FERMT2: variants seen among roughly 807,000 people sequenced by gnomAD.
The protein encoded by FERMT2 is fermitin family homolog 2.
FERMT2 carries 15 observed loss-of-function variants against 82.7 expected under a neutral mutation model. The observed-to-expected ratio is 0.18, with a 90% CI of 0.12 to 0.28. The LOEUF is 0.28. FERMT2 is among the 10% of genes least tolerant of loss of function. The pLI is 1.00. For missense variants in FERMT2, 645 were observed against 809.4 expected (o/e 0.80, Z 2.46); for synonymous variants, 274 against 271.5 (o/e 1.01, Z -0.09).
At chr14:52,864,271 T>C in intron 12 of FERMT2, 130 bp downstream of exon 12, 2 of 648,014 alleles carry the variant, frequency 3.1e-6, no homozygotes, top group Non-Finnish European at 5.3e-6. Context: ...ACTCTAACTG[T>C]ATTTTATATT....
intron 3 of FERMT2, among the ~76,000 whole-genome samples, chr14:52,907,551 G>A (rs1266174158): frequency 6.6e-6 from 1 of 151,978 alleles, no homozygotes; most frequent in Non-Finnish European, 1.5e-5. Context: ...GCATATATAG[G>A]AGTAAAATAC....
chr14:52,871,818 G>C (rs1885639355), intron 10 of FERMT2: 1 of 152,390 alleles, frequency 6.6e-6, no homozygotes, highest in East Asian at 1.9e-4. Flanking sequence ...CCAAATACCA[G>C]ACCCTAGTTC....
rs527718294 is a variant in FERMT2, at chr14:52,874,960, T to C, written c.1098+263A>G. Among the ~76,000 whole-genome samples, 20 of 152,164 alleles carry C rather than the reference T, an allele frequency of 1.3e-4. No individual in the cohort carries two copies. The South Asian group carries it at 3.5e-3, about 27-fold the overall frequency. On this transcript the variant is annotated intron_variant, in intron 8 of 14. Transcript: ENST00000341590. ...GTCTCAGCTACTCAGGAGGCTGAGGTAGGAAATGGCTTGAGCCCTGGAGTT... is the reference window on the plus strand; with the variant it reads ...GTCTCAGCTACTCAGGAGGCTGAGGCAGGAAATGGCTTGAGCCCTGGAGTT...
intron 7 of FERMT2, 69 bp downstream of exon 7, chr14:52,878,513 C>T (rs1466750229): frequency 1.0e-6 from 1 of 969,526 alleles, no homozygotes; most frequent in Admixed American, 2.3e-5. Context: ...TACTATTCCA[C>T]TTTACTGTTT....
intron 1 of FERMT2, 67 bp from the exon 2 acceptor site, chr14:52,950,644 T>G: frequency 6.6e-7 from 1 of 1,519,074 alleles, no homozygotes. Context: ...TCCCACCGAA[T>G]TCGCAGCGCC....
intron 7 of FERMT2, among the ~76,000 whole-genome samples, chr14:52,877,912 C>T (rs1236193852): frequency 6.6e-6 from 1 of 152,122 alleles, no homozygotes; most frequent in East Asian, 1.9e-4. Flanking sequence ...TTAATTTGGT[C>T]ATCAGACCTC....
chr14:52,915,785 G>C (rs1367446706), intron 3 of FERMT2, among the ~76,000 whole-genome samples: 1 of 152,034 alleles, frequency 6.6e-6, no homozygotes. Context: ...AAAATAAAAA[G>C]TACATAAAAT....
chr14:52,918,294 C>T (rs764478995), intron 3 of FERMT2, among the ~76,000 whole-genome samples: 9 of 151,734 alleles, frequency 5.9e-5, no homozygotes, highest in Admixed American at 3.9e-4. Context: ...AAAAAAAATC[C>T]GATATGTATG....
At chr14:52,907,464 C>T (rs531075473) in intron 3 of FERMT2, among the ~76,000 whole-genome samples, 4 of 152,180 alleles carry the variant, frequency 2.6e-5, no homozygotes, top group African/African-American at 7.2e-5. Flanking sequence ...ATGGTAAATA[C>T]GTGATATGAA....
At chr14:52,923,027 T>A (rs879829648) in intron 2 of FERMT2, among the ~76,000 whole-genome samples, 3 of 152,198 alleles carry the variant, frequency 2.0e-5, no homozygotes, top group Non-Finnish European at 4.4e-5. Flanking sequence ...CATATGTTAC[T>A]GTACTGAATG....
Position 52,893,444 on chromosome 14 carries a change from T to A in FERMT2, c.392-17A>T, listed in dbSNP as rs754864384. The A allele has an allele frequency of 6.4e-7, 1 of 1,561,036 alleles. No homozygotes were observed. The highest frequency in any genetic ancestry group is 8.7e-7 in the Non-Finnish European group (1 of 1,153,152). On this transcript the variant is annotated splice_polypyrimidine_tract_variant and intron_variant, in intron 3 of 14. Coordinates refer to ENST00000341590, the MANE Select transcript of FERMT2 (RefSeq NM_006832.3). ...GTCTGATATCTGTTAATAAAATAGATTGTTTTACTAGAACAAAGGAAAATT... is the reference window on the plus strand; with the variant it reads ...GTCTGATATCTGTTAATAAAATAGAATGTTTTACTAGAACAAAGGAAAATT...
chr14:52,943,932 A>G (rs368397208), intron 2 of FERMT2, among the ~76,000 whole-genome samples: 1 of 152,236 alleles, frequency 6.6e-6, no homozygotes, highest in African/African-American at 2.4e-5. Flanking sequence ...TTGAATAAAC[A>G]TATTTTTAGC....
At chr14:52,918,007 C>G (rs945216554) in intron 3 of FERMT2, among the ~76,000 whole-genome samples, 1 of 152,116 alleles carries the variant, frequency 6.6e-6, no homozygotes, top group Non-Finnish European at 1.5e-5. Flanking sequence ...TGGCGCTAGC[C>G]CAACTAAAAT....
intron 2 of FERMT2, among the ~76,000 whole-genome samples, chr14:52,934,425 A>G (rs1481314371): frequency 1.3e-5 from 2 of 152,220 alleles, no homozygotes; most frequent in African/African-American, 4.8e-5. Context: ...TTCTAATCAT[A>G]TAATTTATGA....
chr14:52,901,229 C>T (rs1341685113), intron 3 of FERMT2, among the ~76,000 whole-genome samples: 5 of 131,020 alleles, frequency 3.8e-5, no homozygotes, highest in Non-Finnish European at 4.6e-5. Context: ...TGCAGTGAGC[C>T]GAGATCGCGC....
chr14:52,909,879 C>A (rs995832607), intron 3 of FERMT2, among the ~76,000 whole-genome samples: 11 of 151,816 alleles, frequency 7.2e-5, no homozygotes, highest in Non-Finnish European at 1.6e-4. Flanking sequence ...ATGGTGAAAC[C>A]CTGTCTCTAC....
chr14:52,896,092 T>C (rs1007196885), intron 3 of FERMT2, among the ~76,000 whole-genome samples: 1 of 152,210 alleles, frequency 6.6e-6, no homozygotes, highest in Non-Finnish European at 1.5e-5. Flanking sequence ...CGCACTATGA[T>C]GTTACAAAAG....
At chr14:52,873,581 T>C (rs1594936585) in intron 9 of FERMT2, 2 of 152,518 alleles carry the variant, frequency 1.3e-5, no homozygotes. Flanking sequence ...TTTGAACTGC[T>C]GTATGTTCAG....
intron 2 of FERMT2, among the ~76,000 whole-genome samples, chr14:52,930,264 T>C (rs1398068037): frequency 2.0e-5 from 3 of 152,272 alleles, no homozygotes; most frequent in Non-Finnish European, 4.4e-5. Context: ...ATTTCTTTGC[T>C]CAAGACAATC....
Sources: allele counts gnomAD v4.1 joint callset (sites outside exome capture counted in the v4.1 genomes callset), GRCh38; gene constraint gnomAD v4.1.1; transcripts MANE v1.5; gene names NCBI Gene and HGNC (gene_info 2026-07-23, HGNC 2026-07-21).